Variants in FARP1 observed in about 807,000 individuals in gnomAD.
FARP1 encodes the protein FERM, ARHGEF and pleckstrin domain-containing protein 1.
A neutral mutation model predicts 128.8 loss-of-function variants in FARP1; 52 were observed. The observed-to-expected ratio is 0.40, with a 90% CI of 0.32 to 0.51. FARP1 has a LOEUF of 0.51. Among genes scored for constraint, FARP1 ranks in the 20% least tolerant of loss-of-function variants. FARP1 has a pLI of 0.45. For missense variants in FARP1, 1,333 were observed against 1,367.9 expected (o/e 0.97, Z 0.40); for synonymous variants, 580 against 551.8 (o/e 1.05, Z -0.72).
chr13:98,401,220 G>GC (rs1555291906), intron 13 of FARP1: 2 of 151,752 alleles, frequency 1.3e-5, no homozygotes, highest in East Asian at 3.9e-4. Context: ...TACTGGTACT[G>GC]TTTTTTTTCC....
At position 98,232,144 on chromosome 13, in the gene FARP1, G is replaced by GTTTT. The variant is rs1555329634; in HGVS notation, c.171+18731_171+18732insTTTT. 3.1e-3 allele frequency among the ~76,000 whole-genome samples: 349 copies of GTTTT among 111,608 alleles called. 30 individuals carry two copies. The highest frequency in any genetic ancestry group is 0.028 in the East Asian group (104 of 3,756). 73.2% of individuals were successfully genotyped at this position (111,608 alleles called of 152,430 possible). ...CGTGCCCGGCTTTTTTTGTTTGGTT[G>GTTTT]GTTTTTTTTTTTTTTTTTTTTTGCT... On this transcript the variant is annotated intron_variant, in intron 2 of 26. Coordinates refer to ENST00000319562, the MANE Select transcript of FARP1 (RefSeq NM_005766.4).
chr13:98,301,509 CT>C (rs547598760), intron 2 of FARP1, among the ~76,000 whole-genome samples: 232 of 152,306 alleles, frequency 1.5e-3, no homozygotes, highest in African/African-American at 5.3e-3. Context: ...TAGAATTTTC[CT>C]GGCAGTGACT....
rs568320650 is a variant in FARP1, at chr13:98,164,961, T to C, written c.-24+21469T>C. On this transcript the variant is annotated intron_variant, in intron 1 of 26. Coordinates refer to ENST00000319562, the MANE Select transcript of FARP1 (RefSeq NM_005766.4). ...TGAGCGTGTTGGTGCATGACTGTAA[T>C]CCCAGCCCTTTGGGAAGCCGAGGTG... is the stretch of plus-strand genomic sequence containing the variant. Among the ~76,000 whole-genome samples the C allele has an allele frequency of 2.6e-4, 40 of 151,896 alleles. No homozygotes were observed. The South Asian group carries it at 7.1e-3, about 27-fold the overall frequency.
At chr13:98,410,706 G>A (rs751070551) in intron 14 of FARP1, 28 bp from the exon 15 acceptor site, 12 of 1,249,326 alleles carry the variant, frequency 9.6e-6, no homozygotes, top group East Asian at 2.4e-5. Context: ...TGATTATTGC[G>A]CTTTGTTTCT....
At chr13:98,256,318 A>G (rs1883582865) in intron 2 of FARP1, among the ~76,000 whole-genome samples, 1 of 152,214 alleles carries the variant, frequency 6.6e-6, no homozygotes, top group African/African-American at 2.4e-5. Flanking sequence ...TTCTGAATTC[A>G]TGAAATTAAG....
At chr13:98,152,256 ATTATGCCTAATG>A (rs1876067065) in intron 1 of FARP1, among the ~76,000 whole-genome samples, 1 of 152,186 alleles carries the variant, frequency 6.6e-6, no homozygotes, top group Non-Finnish European at 1.5e-5. Context: ...CTAATTAGTC[ATTATGCCTAATG>A]GCAGTTGCAG....
At position 98,277,944 on chromosome 13, in the gene FARP1, G is replaced by C. The variant is rs149460828; in HGVS notation, c.171+64531G>C. 4.6e-5 allele frequency among the ~76,000 whole-genome samples: 7 copies of C among 152,312 alleles called. No individual in the cohort carries two copies. In the East Asian group the frequency reaches 1.4e-3, roughly 29 times the overall value. On this transcript the variant is annotated intron_variant, in intron 2 of 26. Coordinates refer to ENST00000319562, the MANE Select transcript of FARP1 (RefSeq NM_005766.4). ...TGTGCAGCGAGGGTCAAAATCTGGT[G>C]ATCTGTTATTTAACAAGCTATTGTT...
chr13:98,352,521 G>T (rs1027017760), intron 3 of FARP1, among the ~76,000 whole-genome samples: 1 of 152,148 alleles, frequency 6.6e-6, no homozygotes, highest in African/African-American at 2.4e-5. Flanking sequence ...GAGAAAGCAC[G>T]CTTCCATATC....
rs572386374 is a variant in FARP1 at position 98,261,345 on chromosome 13, G to A, written c.171+47932G>A. ...ATTTGTCAGGACCTGGCCCATCCTT[G>A]GGGGAAAGAGTGTTGCCTTCCAGAA... On this transcript the variant is annotated intron_variant, in intron 2 of 26. Transcript: ENST00000319562. Among the ~76,000 whole-genome samples, 3 of 152,288 alleles carry A rather than the reference G, an allele frequency of 2.0e-5. No individual in the cohort carries two copies. The South Asian group carries it at 6.2e-4, about 32-fold the overall frequency.
chr13:98,178,878 T>C (rs2139193452), intron 1 of FARP1, among the ~76,000 whole-genome samples: 1 of 152,374 alleles, frequency 6.6e-6, no homozygotes, highest in Non-Finnish European at 1.5e-5. Context: ...TATCATCCCA[T>C]CTTTCATGTT....
chr13:98,438,786 G>C lies in FARP1; in HGVS notation c.2275-18G>C. The C allele has an allele frequency of 1.2e-6, 2 of 1,610,758 alleles. No individual in the cohort carries two copies. The highest frequency in any genetic ancestry group is 1.7e-6 in the Non-Finnish European group (2 of 1,178,698). ...TCCGCACGCTCGCAGCCAGCCCTCC[G>C]GTCTGTCTCCCCTGCAGGAGTTCAT... On this transcript the variant is annotated intron_variant, in intron 19 of 26. Transcript: ENST00000319562.
At chr13:98,298,674 C>A (rs896071230) in intron 2 of FARP1, among the ~76,000 whole-genome samples, 39 of 151,990 alleles carry the variant, frequency 2.6e-4, no homozygotes, top group Non-Finnish European at 2.8e-4. Flanking sequence ...TTCATTAATT[C>A]TTTGGTTATG....
At chr13:98,240,117 C>T (rs1463925145) in intron 2 of FARP1, among the ~76,000 whole-genome samples, 2 of 152,152 alleles carry the variant, frequency 1.3e-5, no homozygotes, top group African/African-American at 2.4e-5. Flanking sequence ...TACCCTTGCA[C>T]GGGGTCACCC....
At chr13:98,446,448 G>A in intron 25 of FARP1, 1 of 607,636 alleles carries the variant, frequency 1.6e-6, no homozygotes, top group Non-Finnish European at 2.9e-6. Context: ...CCTGGACAAG[G>A]GACGGGGGTT....
At chr13:98,374,917 C>A (rs1474529919) in intron 5 of FARP1, among the ~76,000 whole-genome samples, 1 of 152,090 alleles carries the variant, frequency 6.6e-6, no homozygotes, top group African/African-American at 2.4e-5. Flanking sequence ...TTTGTAACAA[C>A]CAGCTCTCAC....
chr13:98,164,640 T>C (rs1454110631), intron 1 of FARP1, among the ~76,000 whole-genome samples: 3 of 152,214 alleles, frequency 2.0e-5, no homozygotes, highest in African/African-American at 7.2e-5. Context: ...CAAGCTGATA[T>C]TCTTAATTGT....
intron 1 of FARP1, among the ~76,000 whole-genome samples, chr13:98,210,617 T>G (rs1327147195): frequency 2.0e-5 from 3 of 151,850 alleles, no homozygotes; most frequent in Admixed American, 6.6e-5. Flanking sequence ...TGGCGCGATC[T>G]TGGCTCACTG....
At chr13:98,349,825 T>A (rs1308991578) in intron 3 of FARP1, among the ~76,000 whole-genome samples, 1 of 152,102 alleles carries the variant, frequency 6.6e-6, no homozygotes, top group Non-Finnish European at 1.5e-5. Flanking sequence ...GGAGAAAAGC[T>A]TTGTCAATAG....
At chr13:98,389,747 T>C (rs1220296600) in intron 9 of FARP1, 1 of 490,548 alleles carries the variant, frequency 2.0e-6, no homozygotes, top group Non-Finnish European at 3.5e-6. Flanking sequence ...GTCTAAGAGA[T>C]TCTGTGGGGA....
Sources: allele counts gnomAD v4.1 joint callset (sites outside exome capture counted in the v4.1 genomes callset), GRCh38; gene constraint gnomAD v4.1.1; transcripts MANE v1.5; gene names NCBI Gene and HGNC (gene_info 2026-07-23, HGNC 2026-07-21).